The following VDAC1 variants were observed in gnomAD, a reference collection of about 807,000 sequenced individuals.
The protein encoded by VDAC1 is non-selective voltage-gated ion channel VDAC1.
Under a neutral mutation model 34.7 loss-of-function variants are expected in VDAC1, and 10 were observed. The observed-to-expected ratio is 0.29, with a 90% CI of 0.18 to 0.49. The LOEUF is 0.49. Among genes scored for constraint, VDAC1 ranks in the 20% least tolerant of loss-of-function variants. The pLI, the probability that VDAC1 is intolerant of heterozygous loss-of-function variation, is 0.99. For missense variants in VDAC1, 230 were observed against 347.9 expected, an observed-to-expected ratio of 0.66 and a Z score of 2.69; for synonymous variants, 130 against 136.0, an observed-to-expected ratio of 0.96 and a Z score of 0.30.
At chr5:134,011,556 G>A in the VDAC1 span, among the ~76,000 whole-genome samples, 1 of 151,584 alleles carries the variant, frequency 6.6e-6, no homozygotes, top group African/African-American at 2.4e-5. Context: ...AGATCATACA[G>A]ATGTTACGGA....
chr5:134,070,319 T>A, the VDAC1 span, among the ~76,000 whole-genome samples: 1 of 152,064 alleles, frequency 6.6e-6, no homozygotes, highest in African/African-American at 2.4e-5. Flanking sequence ...TTTTTTTTAT[T>A]TTTGGTAGAG....
At chr5:133,999,475 G>A (rs150837844) in intron 1 of VDAC1, among the ~76,000 whole-genome samples, 58 of 152,278 alleles carry the variant, frequency 3.8e-4, no homozygotes, top group Non-Finnish European at 6.6e-4. Flanking sequence ...CCTGCTCTGT[G>A]CCCCCAGAAC....
At chr5:134,094,531 A>G in the VDAC1 span, among the ~76,000 whole-genome samples, 1 of 152,098 alleles carries the variant, frequency 6.6e-6, no homozygotes, top group African/African-American at 2.4e-5. Flanking sequence ...CCCTGTCTCC[A>G]CTAAAAATAC....
chr5:133,995,037 T>G (rs993230539), intron 1 of VDAC1, among the ~76,000 whole-genome samples: 1 of 152,128 alleles, frequency 6.6e-6, no homozygotes, highest in Non-Finnish European at 1.5e-5. Flanking sequence ...ATCCATTAAA[T>G]GTTCCCCAAA....
the VDAC1 span, among the ~76,000 whole-genome samples, chr5:134,022,239 AC>A: frequency 6.8e-6 from 1 of 146,436 alleles, no homozygotes; most frequent in African/African-American, 2.5e-5. Context: ...TGCTCTAAAC[AC>A]CAGCTCCCTG....
the VDAC1 span, among the ~76,000 whole-genome samples, chr5:134,044,906 A>T: frequency 6.6e-6 from 1 of 152,134 alleles, no homozygotes; most frequent in Non-Finnish European, 1.5e-5. Context: ...AAACCCCCTC[A>T]ACTCTGGCCA....
the VDAC1 span, among the ~76,000 whole-genome samples, chr5:134,062,198 G>A: frequency 2.0e-5 from 3 of 151,466 alleles, no homozygotes; most frequent in African/African-American, 7.3e-5. Context: ...TGTTGGCTAG[G>A]ATGGTCTTGA....
the VDAC1 span, among the ~76,000 whole-genome samples, chr5:134,059,858 C>T: frequency 2.7e-5 from 4 of 146,008 alleles, no homozygotes; most frequent in Non-Finnish European, 6.3e-5. Context: ...GATTGTGTGG[C>T]TGAAGGTGAC....
the VDAC1 span, among the ~76,000 whole-genome samples, chr5:134,034,772 T>C: frequency 6.6e-6 from 1 of 151,300 alleles, no homozygotes; most frequent in South Asian, 2.1e-4. Context: ...GTTTCCACTA[T>C]GGAGGAAAGG....
the VDAC1 span, among the ~76,000 whole-genome samples, chr5:134,101,983 C>T: frequency 2.6e-5 from 4 of 152,260 alleles, no homozygotes; most frequent in Non-Finnish European, 5.9e-5. Flanking sequence ...GGCGAGAACG[C>T]TGTCGCAGCT....
At chr5:133,988,657 G>C (rs902997035) in intron 5 of VDAC1, 1 of 152,100 alleles carries the variant, frequency 6.6e-6, no homozygotes, top group African/African-American at 2.4e-5. Flanking sequence ...CCAGCTACTT[G>C]GGAGGCTGAG....
At chr5:133,992,383 T>C (rs1218307784) in intron 2 of VDAC1, 28 bp from the exon 3 acceptor site, 5 of 1,533,806 alleles carry the variant, frequency 3.3e-6, no homozygotes, top group Non-Finnish European at 3.5e-6. Flanking sequence ...CAACTGTCAA[T>C]AGGTTAAATA....
chr5:134,055,651 C>T, the VDAC1 span, among the ~76,000 whole-genome samples: 1 of 130,736 alleles, frequency 7.6e-6, no homozygotes, highest in Non-Finnish European at 1.6e-5. Flanking sequence ...TGGTCTTGAT[C>T]TCCTGACCTC....
chr5:134,064,686 C>A, the VDAC1 span, among the ~76,000 whole-genome samples: 1 of 150,684 alleles, frequency 6.6e-6, no homozygotes, highest in Non-Finnish European at 1.5e-5. Flanking sequence ...ATAGAACTAA[C>A]ATAAAACTAT....
chr5:134,105,499 C>A, the VDAC1 span, among the ~76,000 whole-genome samples: 2 of 152,242 alleles, frequency 1.3e-5, no homozygotes, highest in Non-Finnish European at 2.9e-5. Flanking sequence ...TGAGATAACA[C>A]ACAGGAAGGT....
intron 7 of VDAC1, 25 bp from the exon 8 acceptor site, chr5:133,973,873 A>G: frequency 6.2e-7 from 1 of 1,608,624 alleles, no homozygotes. Context: ...GACAAAACAG[A>G]GAAAACATTA....
intron 1 of VDAC1, among the ~76,000 whole-genome samples, chr5:133,997,839 G>A (rs548555692): frequency 1.1e-3 from 166 of 152,190 alleles, no homozygotes; most frequent in African/African-American, 3.0e-3. Flanking sequence ...CGAGGTGGGC[G>A]GGTCACCTGA....
At chr5:134,055,689 A>G in the VDAC1 span, among the ~76,000 whole-genome samples, 2 of 143,570 alleles carry the variant, frequency 1.4e-5, no homozygotes, top group Non-Finnish European at 3.0e-5. Flanking sequence ...TGGCTTCCCA[A>G]AGTGCTGGGA....
chr5:134,054,431 T>C, the VDAC1 span, among the ~76,000 whole-genome samples: 3 of 151,402 alleles, frequency 2.0e-5, no homozygotes, highest in African/African-American at 7.3e-5. Flanking sequence ...TTTTCTCTTT[T>C]ATTTTCCTTT....
Sources: gnomAD v4.1 joint callset for allele counts (sites outside exome capture counted in the v4.1 genomes callset) on GRCh38, gnomAD v4.1.1 for gene constraint, MANE v1.5 for transcripts, NCBI Gene and HGNC (gene_info 2026-07-23, HGNC 2026-07-21) for gene names.